Variants in LSM8 observed in about 807,000 individuals in gnomAD.
LSM8 encodes the protein LSM8 homolog, U6 small nuclear RNA associated.
In LSM8, 14 loss-of-function variants were observed where a neutral mutation model predicts 15.0. That is an observed-to-expected ratio of 0.93 (90% CI 0.62 to 1.46). The LOEUF (loss-of-function observed/expected upper bound fraction) is 1.46, where lower values mean the gene tolerates loss of function less well. Ranked by LOEUF, LSM8 falls within the 40% of genes most tolerant of loss-of-function variation. The pLI is 0.00. For missense variants in LSM8, 90 were observed against 115.4 expected (o/e 0.78, Z 1.01); for synonymous variants, 50 against 42.1 (o/e 1.19, Z -0.73).
In LSM8 at chr7:118,196,581, C is replaced by T. The variant is rs1257077987; in HGVS notation, c.*4579C>T. 6.6e-6 allele frequency among the ~76,000 whole-genome samples: 1 copy of T among 151,514 alleles called. No individual in the cohort carries two copies. The highest frequency in any genetic ancestry group is 2.4e-5 in the African/African-American group (1 of 41,240). ...AGAATTGTTCTTCCAGATACCTTTC[C>T]GACCTCTTCTTGGTTTTGGCATTAA... On this transcript the variant is annotated 3_prime_UTR_variant, in exon 4 of 4. Coordinates refer to ENST00000249299, the MANE Select transcript of LSM8 (RefSeq NM_016200.5).
chr7:118,185,780 A>G (rs2041527), intron 2 of LSM8, 86 bp downstream of exon 2: 783,096 of 1,224,918 alleles, frequency 0.64, 252,840 homozygotes, highest in South Asian at 0.8. Context: ...TCTAATGCCT[A>G]GACAGCACAT....
Position 118,196,753 on chromosome 7 carries a change from A to T in LSM8, c.*4751A>T, listed in dbSNP as rs1478645601. Among the ~76,000 whole-genome samples the T allele has an allele frequency of 1.9e-5, 2 of 103,868 alleles. No homozygotes were observed. The highest frequency in any genetic ancestry group is 3.6e-5 in the African/African-American group (1 of 27,768). 68.1% of individuals were successfully genotyped at this position (103,868 alleles called of 152,430 possible). A position where few individuals can be genotyped will look rare whatever the true frequency, so the allele number is the denominator to read the frequency against. ...ATTTATTTATTTATTTATTTTTGAG[A>T]CACTTCTTGCTCTTTCGCCAGGCTG... On this transcript the variant is annotated 3_prime_UTR_variant, in exon 4 of 4. Transcript: ENST00000249299.
rs1809184504 is a variant in LSM8, at chr7:118,202,340, A to G, written c.*10338A>G. ...AGGCAGGAGGAGTTCATTTATCTCG[A>G]GAGAAAAGAACAGAAAAGTGAAAAG... On this transcript the variant is annotated 3_prime_UTR_variant, in exon 4 of 4. Coordinates refer to ENST00000249299, the MANE Select transcript of LSM8 (RefSeq NM_016200.5). Among the ~76,000 whole-genome samples, 1 of 152,040 alleles carries G rather than the reference A, an allele frequency of 6.6e-6. No individual in the cohort carries two copies. Among genetic ancestry groups the G allele is most frequent in the Non-Finnish European group, 1.5e-5 (1 of 67,920 alleles).
chr7:118,192,032 A>AAGATTTACAGATG lies in LSM8; in HGVS notation c.*30_*31insAGATTTACAGATG. ...AAACTACATACTTGGACATCTGTAA[A>AAGATTTACAGATG]TCTTTGTACAGAAACTGATTATTCT... On this transcript the variant is annotated 3_prime_UTR_variant, in exon 4 of 4. Coordinates refer to ENST00000249299, the MANE Select transcript of LSM8 (RefSeq NM_016200.5). 6.6e-7 allele frequency: 1 copy of AAGATTTACAGATG among 1,520,222 alleles called. No individual in the cohort carries two copies. The highest frequency in any genetic ancestry group is 9.1e-7 in the Non-Finnish European group (1 of 1,100,912). The allele number at this position is 1,520,222 out of a possible 1,614,324, so 94.2% of individuals were successfully genotyped here.
At position 118,202,858 on chromosome 7, in the gene LSM8, G is replaced by A. The variant is rs1331716054; in HGVS notation, c.*10856G>A. 6.6e-6 allele frequency among the ~76,000 whole-genome samples: 1 copy of A among 151,928 alleles called. No homozygotes were observed. Among genetic ancestry groups the A allele is most frequent in the African/African-American group, 2.4e-5 (1 of 41,384 alleles). ...TTCTTTTTTATCTCTGATATAAAAT[G>A]CAGAATATGAATTTTAATAAATTCC... On this transcript the variant is annotated 3_prime_UTR_variant, in exon 4 of 4. Transcript: ENST00000249299.
chr7:118,186,610 A>G (rs6948096), intron 2 of LSM8, among the ~76,000 whole-genome samples: 110,654 of 152,148 alleles, frequency 0.73, 40,559 homozygotes, highest in South Asian at 0.85. Context: ...GTAAAAACTT[A>G]TGAAGAATAA....
In LSM8 at chr7:118,196,807, A is replaced by G. The variant is rs1276968403; in HGVS notation, c.*4805A>G. 2.7e-5 allele frequency among the ~76,000 whole-genome samples: 4 copies of G among 150,678 alleles called. No individual in the cohort carries two copies. The East Asian group carries it at 5.8e-4, about 22-fold the overall frequency. On this transcript the variant is annotated 3_prime_UTR_variant, in exon 4 of 4. Transcript: ENST00000249299. ...TGCAGTGGTGCAATCTTGGCTCACT[A>G]CAACCTCCGCATCCTGGGTTCAAGC...
chr7:118,193,731 A>C lies in LSM8; in HGVS notation c.*1729A>C, dbSNP rs1562863115. 6.6e-6 allele frequency among the ~76,000 whole-genome samples: 1 copy of C among 152,132 alleles called. No individual in the cohort carries two copies. The highest frequency in any genetic ancestry group is 2.4e-5 in the African/African-American group (1 of 41,416). Reference sequence around the variant, plus strand: ...ATTGGTAAAGTAATTCCAAAAATTAAATAAGAATACACATTGTTCAGTTGC... The same window carrying C: ...ATTGGTAAAGTAATTCCAAAAATTACATAAGAATACACATTGTTCAGTTGC... On this transcript the variant is annotated 3_prime_UTR_variant, in exon 4 of 4. Coordinates refer to ENST00000249299, the MANE Select transcript of LSM8 (RefSeq NM_016200.5).
rs1809033899 is a variant in LSM8 at position 118,194,013 on chromosome 7, A to AT, written c.*2012dup. Among the ~76,000 whole-genome samples the AT allele has an allele frequency of 6.6e-6, 1 of 152,160 alleles. No homozygotes were observed. Among genetic ancestry groups the AT allele is most frequent in the African/African-American group, 2.4e-5 (1 of 41,448 alleles). ...TAGTTACAGAGGATGTGATGACAATATGCCAGATAATCTATGTAATTCTTT... is the reference window on the plus strand; with the variant it reads ...TAGTTACAGAGGATGTGATGACAATATTGCCAGATAATCTATGTAATTCTTT... On this transcript the variant is annotated 3_prime_UTR_variant, in exon 4 of 4. Coordinates refer to ENST00000249299, the MANE Select transcript of LSM8 (RefSeq NM_016200.5).
Position 118,187,670 on chromosome 7 carries a change from C to T in LSM8, c.73-608C>T, listed in dbSNP as rs76934117. Among the ~76,000 whole-genome samples the T allele has an allele frequency of 8.5e-3, 1,290 of 152,286 alleles. 12 individuals carry two copies. The highest frequency in any genetic ancestry group is 0.013 in the Non-Finnish European group (869 of 68,024). On this transcript the variant is annotated intron_variant, in intron 2 of 3. Coordinates refer to ENST00000249299, the MANE Select transcript of LSM8 (RefSeq NM_016200.5). The stretch of plus-strand genomic sequence containing the variant: ...ATGGTTTAGTGGTCTGGCTCAGGAG[C>T]TAGCCTTTTGTGGTTCATCTCCTGG...
At position 118,200,759 on chromosome 7, in the gene LSM8, T is replaced by G. The variant is rs1366234744; in HGVS notation, c.*8757T>G. Among the ~76,000 whole-genome samples, 2 of 152,116 alleles carry G rather than the reference T, an allele frequency of 1.3e-5. No individual in the cohort carries two copies. The highest frequency in any genetic ancestry group is 2.9e-5 in the Non-Finnish European group (2 of 68,004). On this transcript the variant is annotated 3_prime_UTR_variant, in exon 4 of 4. Coordinates refer to ENST00000249299, the MANE Select transcript of LSM8 (RefSeq NM_016200.5). ...TGTTTGAATTTACACTTTTTTCTCC[T>G]GTGACAGCATCTATTCCCAAGGCAA... is the stretch of plus-strand genomic sequence containing the variant.
chr7:118,184,227 A>T lies in LSM8; in HGVS notation c.4A>T (p.Thr2Ser), dbSNP rs1037896490. 5.8e-6 allele frequency: 9 copies of T among 1,541,204 alleles called. No homozygotes were observed. The highest frequency in any genetic ancestry group is 7.9e-6 in the Non-Finnish European group (9 of 1,142,090). The part of the protein sequence containing the change: M[T>S]SALENYINRT... ...CGGAACCGCCGGGCCGAACAGCATG[A>T]CGTCCGCTTTGGAGAACTACATCAA... Residue 2 changes from threonine to serine, a missense_variant, in exon 1 of 4, where the codon ACG becomes TCG. Thr to Ser is a moderately conservative substitution (Grantham distance 58). Transcript: ENST00000249299.
At chr7:118,186,777 T>C (rs1388906706) in intron 2 of LSM8, among the ~76,000 whole-genome samples, 3 of 152,246 alleles carry the variant, frequency 2.0e-5, no homozygotes, top group East Asian at 1.9e-4. Context: ...AAGGAAGCAA[T>C]GATGTTTGCT....
rs926342739 is a variant in LSM8 at position 118,196,832 on chromosome 7, C to T, written c.*4830C>T. On this transcript the variant is annotated 3_prime_UTR_variant, in exon 4 of 4. Coordinates refer to ENST00000249299, the MANE Select transcript of LSM8 (RefSeq NM_016200.5). Reference sequence around the variant, plus strand: ...ACAACCTCCGCATCCTGGGTTCAAGCGATTCCCCTGCCTTAGCCTCCCGAG... The same window carrying T: ...ACAACCTCCGCATCCTGGGTTCAAGTGATTCCCCTGCCTTAGCCTCCCGAG... 5.3e-5 allele frequency among the ~76,000 whole-genome samples: 8 copies of T among 151,750 alleles called. No homozygotes were observed. Among genetic ancestry groups the T allele is most frequent in the South Asian group, 2.1e-4 (1 of 4,812 alleles).
rs924090881 is a variant in LSM8 at position 118,199,998 on chromosome 7, G to A, written c.*7996G>A. ...GACTGGATGTTTTAGTTTGACAGCA[G>A]TGTCTAAATTACAGATTAGAGAACT... On this transcript the variant is annotated 3_prime_UTR_variant, in exon 4 of 4. Coordinates refer to ENST00000249299, the MANE Select transcript of LSM8 (RefSeq NM_016200.5). Among the ~76,000 whole-genome samples, 3 of 152,138 alleles carry A rather than the reference G, an allele frequency of 2.0e-5. No homozygotes were observed. The highest frequency in any genetic ancestry group is 4.4e-5 in the Non-Finnish European group (3 of 68,010).
rs148958552 is a variant in LSM8, at chr7:118,199,047, T to C, written c.*7045T>C. On this transcript the variant is annotated 3_prime_UTR_variant, in exon 4 of 4. Coordinates refer to ENST00000249299, the MANE Select transcript of LSM8 (RefSeq NM_016200.5). ...CCGTTGCTGAACTAGGTGCTGTCTG[T>C]GCAGCTCCACTGGGAGAGGACATCT... Among the ~76,000 whole-genome samples the C allele has an allele frequency of 2.6e-3, 391 of 152,316 alleles. 2 individuals carry two copies. Among genetic ancestry groups the C allele is most frequent in the African/African-American group, 9.0e-3 (373 of 41,588 alleles).
intron 3 of LSM8, chr7:118,191,706 T>G (rs1808984659): frequency 2.0e-6 from 1 of 498,960 alleles, no homozygotes; most frequent in African/African-American, 1.9e-5. Flanking sequence ...TGCCTTCAAA[T>G]TATTTCTTGA....
At position 118,196,117 on chromosome 7, in the gene LSM8, A is replaced by G. The variant is rs1809073060; in HGVS notation, c.*4115A>G. 6.6e-6 allele frequency among the ~76,000 whole-genome samples: 1 copy of G among 152,124 alleles called. No individual in the cohort carries two copies. The highest frequency in any genetic ancestry group is 2.4e-5 in the African/African-American group (1 of 41,410). ...CTGTCCACAAACTTCAAAAAAATAG[A>G]TTTTGGAATTTTGTCAGGGACACTT... On this transcript the variant is annotated 3_prime_UTR_variant, in exon 4 of 4. Coordinates refer to ENST00000249299, the MANE Select transcript of LSM8 (RefSeq NM_016200.5).
intron 3 of LSM8, chr7:118,190,931 C>T (rs149943514): frequency 6.6e-6 from 1 of 151,942 alleles, no homozygotes; most frequent in African/African-American, 2.4e-5. Context: ...GTGGTGAAAC[C>T]CTGTCTCTAC....
Sources: gnomAD v4.1 joint callset for allele counts (sites outside exome capture counted in the v4.1 genomes callset) on GRCh38, gnomAD v4.1.1 for gene constraint, MANE v1.5 for transcripts, NCBI Gene and HGNC (gene_info 2026-07-23, HGNC 2026-07-21) for gene names.